SRGAP3: variants seen among roughly 807,000 people sequenced by gnomAD.
SRGAP3 encodes the protein SLIT-ROBO Rho GTPase-activating protein 3.
SRGAP3 carries 39 observed loss-of-function variants against 121.1 expected under a neutral mutation model. That is an observed-to-expected ratio of 0.32 (90% CI 0.25 to 0.42). The LOEUF (loss-of-function observed/expected upper bound fraction) is 0.42, where lower values mean the gene tolerates loss of function less well. SRGAP3 is among the 10% of genes least tolerant of loss of function. The pLI is 1.00. For synonymous variants in SRGAP3, 601 were observed against 570.0 expected, an observed-to-expected ratio of 1.05 and a Z score of -0.77; for missense variants, 1,213 against 1,470.6, an observed-to-expected ratio of 0.82 and a Z score of 2.86.
At chr3:9,066,781 G>A (rs1946454212) in intron 4 of SRGAP3, among the ~76,000 whole-genome samples, 1 of 152,230 alleles carries the variant, frequency 6.6e-6, no homozygotes, top group South Asian at 2.1e-4. Flanking sequence ...TTACAGGCGT[G>A]AGCCACCACG....
At chr3:9,078,436 G>C (rs1199954679) in intron 4 of SRGAP3, among the ~76,000 whole-genome samples, 1 of 152,044 alleles carries the variant, frequency 6.6e-6, no homozygotes, top group Non-Finnish European at 1.5e-5. Context: ...TACCAGGCTT[G>C]CATTATTTAT....
At chr3:9,329,138 C>T (rs752239847) in intron 2 of SRGAP3, among the ~76,000 whole-genome samples, 1 of 152,194 alleles carries the variant, frequency 6.6e-6, no homozygotes, top group Non-Finnish European at 1.5e-5. Flanking sequence ...ATGAATTCAT[C>T]GCACAAAATA....
intron 2 of SRGAP3, among the ~76,000 whole-genome samples, chr3:9,117,259 C>T (rs1376199635): frequency 6.6e-6 from 1 of 152,210 alleles, no homozygotes; most frequent in Non-Finnish European, 1.5e-5. Flanking sequence ...AAAAGTGATT[C>T]TCTGTTTAGG....
chr3:8,998,326 C>T (rs1440897129), intron 18 of SRGAP3, among the ~76,000 whole-genome samples: 1 of 152,180 alleles, frequency 6.6e-6, no homozygotes, highest in Non-Finnish European at 1.5e-5. Flanking sequence ...TGTATTAATG[C>T]TATGTGCCGT....
chr3:9,201,184 C>T (rs771506191), intron 1 of SRGAP3, among the ~76,000 whole-genome samples: 2 of 152,184 alleles, frequency 1.3e-5, no homozygotes, highest in African/African-American at 4.8e-5. Flanking sequence ...AGGACGGTGA[C>T]GGAAGCCAAC....
chr3:9,084,409 T>C (rs1028978811), intron 3 of SRGAP3, among the ~76,000 whole-genome samples: 3 of 152,178 alleles, frequency 2.0e-5, no homozygotes, highest in African/African-American at 7.2e-5. Context: ...TTAGCTTTTC[T>C]ACTGAGTGCT....
chr3:9,216,725 G>C (rs1000711434), intron 1 of SRGAP3: 1 of 152,636 alleles, frequency 6.6e-6, no homozygotes, highest in Non-Finnish European at 1.5e-5. Context: ...AAACTGACAA[G>C]ACCGCAGCAC....
chr3:9,209,204 A>G (rs1952360177), intron 1 of SRGAP3, among the ~76,000 whole-genome samples: 1 of 152,190 alleles, frequency 6.6e-6, no homozygotes, highest in African/African-American at 2.4e-5. Context: ...CTCCTAACAC[A>G]TATGATTACT....
chr3:9,066,625 G>A (rs1445151158), intron 4 of SRGAP3, among the ~76,000 whole-genome samples: 1 of 152,002 alleles, frequency 6.6e-6, no homozygotes, highest in African/African-American at 2.4e-5. Context: ...TCAGCCTCCT[G>A]AGTAGCTGAG....
Position 9,123,732 on chromosome 3 carries a change from A to ATGTGTGTGTGTGTGTGTGTGTGTG in SRGAP3, c.260+992_260+993insCACACACACACACACACACACACA, listed in dbSNP as rs532602901. Among the ~76,000 whole-genome samples the ATGTGTGTGTGTGTGTGTGTGTGTG allele has an allele frequency of 2.2e-3, 311 of 139,040 alleles. 1 individual carries two copies. Among genetic ancestry groups the ATGTGTGTGTGTGTGTGTGTGTGTG allele is most frequent in the African/African-American group, 6.3e-3 (218 of 34,764 alleles). The allele number at this position is 139,040 out of a possible 152,430, so 91.2% of individuals were successfully genotyped here. A position where few individuals can be genotyped will look rare whatever the true frequency, so the allele number is the denominator to read the frequency against. ...AATATATATATATATATATGTATAT[A>ATGTGTGTGTGTGTGTGTGTGTGTG]TGTGTGTGTGTGTGTGTGTGTGTAT... On this transcript the variant is annotated intron_variant, in intron 2 of 21. Transcript: ENST00000383836.
chr3:9,244,610 C>T (rs139383552), intron 1 of SRGAP3, among the ~76,000 whole-genome samples: 198 of 152,290 alleles, frequency 1.3e-3, no homozygotes, highest in African/African-American at 4.3e-3. Flanking sequence ...CACCAAATAT[C>T]ATCAGTGATC....
intron 1 of SRGAP3, among the ~76,000 whole-genome samples, chr3:9,156,017 A>G (rs1352160968): frequency 6.6e-6 from 1 of 152,026 alleles, no homozygotes. Flanking sequence ...GGGTTTCACC[A>G]TGTTAGCCAG....
chr3:9,348,670 C>T (rs565059581), intron 1 of SRGAP3: 62 of 1,083,564 alleles, frequency 5.7e-5, no homozygotes, highest in African/African-American at 9.0e-5. Context: ...ATTGATCAGA[C>T]GTGGCTGCCA....
chr3:9,124,222 CG>C (rs1949133646), intron 2 of SRGAP3, among the ~76,000 whole-genome samples: 1 of 152,004 alleles, frequency 6.6e-6, no homozygotes, highest in Non-Finnish European at 1.5e-5. Flanking sequence ...GGGAAAGAGC[CG>C]GGGCACTGAG....
intron 3 of SRGAP3, chr3:9,257,141 T>G (rs1462215552): frequency 1.3e-5 from 4 of 314,950 alleles, no homozygotes; most frequent in South Asian, 1.6e-4. Flanking sequence ...AATTTACACC[T>G]TATATTTTTT....
At chr3:9,303,396 G>T (rs967944150) in intron 3 of SRGAP3, among the ~76,000 whole-genome samples, 14 of 150,186 alleles carry the variant, frequency 9.3e-5, no homozygotes, top group Non-Finnish European at 1.5e-4. Context: ...CTGCACTCCA[G>T]CCTGGGCGAC....
Position 9,058,411 on chromosome 3 carries a change from T to C in SRGAP3, c.863A>G (p.Glu288Gly), listed in dbSNP as rs372031771. 3 of 1,614,108 alleles carry C rather than the reference T, an allele frequency of 1.9e-6. No individual in the cohort carries two copies. The highest frequency in any genetic ancestry group is 2.2e-5 in the South Asian group (2 of 91,090). ...GTGGCGAGAGGTCTCCAGGTTGTAT[T>C]CAGCTGAGAGATAGGTCCGGAAGGT... ...ARTFRTYLSA[E>G]YNLETSRHEG... The change falls in exon 7 of 22, where the codon GAA (glutamate) becomes GGA (glycine). Residue 288 changes from glutamate to glycine, a missense_variant. Coordinates refer to ENST00000383836, the MANE Select transcript of SRGAP3 (RefSeq NM_014850.4).
intron 3 of SRGAP3, among the ~76,000 whole-genome samples, chr3:9,276,625 C>T (rs61571229): frequency 5.9e-5 from 9 of 152,220 alleles, no homozygotes; most frequent in Admixed American, 5.2e-4. Flanking sequence ...CAGGGTTTCA[C>T]TATGTTGACC....
chr3:9,305,219 G>A (rs1189206294), intron 3 of SRGAP3, among the ~76,000 whole-genome samples: 6 of 152,216 alleles, frequency 3.9e-5, no homozygotes, highest in African/African-American at 1.2e-4. Flanking sequence ...TGGGCAGGAA[G>A]AGCCTCAGGC....
Sources: allele counts gnomAD v4.1 joint callset (sites outside exome capture counted in the v4.1 genomes callset), GRCh38; gene constraint gnomAD v4.1.1; transcripts MANE v1.5; gene names NCBI Gene and HGNC (gene_info 2026-07-23, HGNC 2026-07-21).